Variants in TOP6BL observed in about 807,000 individuals in gnomAD.
TOP6BL encodes the protein TOP6B like initiator of meiotic double strand breaks.
the TOP6BL span, among the ~76,000 whole-genome samples, chr11:66,781,624 A>G: frequency 6.6e-6 from 1 of 151,830 alleles, no homozygotes; most frequent in African/African-American, 2.4e-5. Context: ...GCAGCCTCCA[A>G]CTCCTGGGCT....
At chr11:66,782,049 T>C in the TOP6BL span, among the ~76,000 whole-genome samples, 2 of 152,218 alleles carry the variant, frequency 1.3e-5, no homozygotes, top group African/African-American at 4.8e-5. Flanking sequence ...AGGGTAGGTC[T>C]GTAGAAAGCC....
At chr11:66,796,412 T>C in the TOP6BL span, 1 of 1,419,806 alleles carries the variant, frequency 7.0e-7, no homozygotes, top group Non-Finnish European at 9.8e-7. Context: ...TAAGTCATTG[T>C]TTTCCAGAGA....
chr11:66,804,295 T>A, the TOP6BL span: 1 of 961,578 alleles, frequency 1.0e-6, no homozygotes, highest in Non-Finnish European at 1.5e-6. Flanking sequence ...TACAAATATA[T>A]ATGATTTGTA....
the TOP6BL span, among the ~76,000 whole-genome samples, chr11:66,811,551 T>C: frequency 7.2e-5 from 11 of 152,212 alleles, no homozygotes; most frequent in Non-Finnish European, 1.6e-4. Flanking sequence ...AAAAATATAA[T>C]GTATAAGGTT....
At chr11:66,767,531 A>G in the TOP6BL span, among the ~76,000 whole-genome samples, 28 of 152,190 alleles carry the variant, frequency 1.8e-4, no homozygotes, top group Non-Finnish European at 3.7e-4. Flanking sequence ...TTTTTAAAAT[A>G]GCTTCTCATT....
the TOP6BL span, among the ~76,000 whole-genome samples, chr11:66,782,162 G>T: frequency 6.6e-6 from 1 of 152,122 alleles, no homozygotes. Flanking sequence ...TTTGGGGTGG[G>T]TCTAGAGCAC....
At chr11:66,744,840 C>CGGCGGCGGCGGCG in the TOP6BL span, 2 of 1,329,398 alleles carry the variant, frequency 1.5e-6, no homozygotes, top group East Asian at 6.1e-5. Context: ...GCGGCGGCGG[C>CGGCGGCGGCGGCG]GGCGGGCGGG....
At chr11:66,753,318 G>A in the TOP6BL span, among the ~76,000 whole-genome samples, 1 of 151,974 alleles carries the variant, frequency 6.6e-6, no homozygotes, top group Non-Finnish European at 1.5e-5. Flanking sequence ...GGGAAAGAGA[G>A]CAGAGCTTAT....
chr11:66,748,325 A>G, the TOP6BL span: 1 of 1,382,462 alleles, frequency 7.2e-7, no homozygotes, highest in East Asian at 2.5e-5. Flanking sequence ...GAGATGTATT[A>G]TTACTGTGAT....
chr11:66,745,380 G>GT, the TOP6BL span, among the ~76,000 whole-genome samples: 3 of 152,200 alleles, frequency 2.0e-5, no homozygotes, highest in East Asian at 3.9e-4. Flanking sequence ...GCGAGGGAGA[G>GT]TTTTTTTAGG....
the TOP6BL span, chr11:66,756,359 G>C: frequency 8.4e-7 from 1 of 1,184,504 alleles, no homozygotes; most frequent in South Asian, 1.5e-5. Context: ...TCAGGATGGA[G>C]TCTCACTCTG....
At chr11:66,769,885 C>T in the TOP6BL span, among the ~76,000 whole-genome samples, 5 of 151,676 alleles carry the variant, frequency 3.3e-5, no homozygotes, top group African/African-American at 7.3e-5. Flanking sequence ...GGACTACAGG[C>T]GCCCACCACC....
At chr11:66,778,440 C>T in the TOP6BL span, among the ~76,000 whole-genome samples, 12 of 151,896 alleles carry the variant, frequency 7.9e-5, no homozygotes, top group African/African-American at 2.7e-4. Flanking sequence ...CACTCTAGCC[C>T]GGGCAACAAA....
chr11:66,744,809 G>A, the TOP6BL span: 5 of 1,292,448 alleles, frequency 3.9e-6, no homozygotes, highest in South Asian at 1.0e-4. Context: ...CCAAGCCCGG[G>A]CTGAGGAGGG....
chr11:66,764,246 T>G, the TOP6BL span, among the ~76,000 whole-genome samples: 4 of 152,100 alleles, frequency 2.6e-5, no homozygotes, highest in African/African-American at 9.7e-5. Context: ...ATCTAATTAT[T>G]TATAAGTTTT....
the TOP6BL span, chr11:66,814,098 G>A: frequency 7.1e-7 from 1 of 1,407,792 alleles, no homozygotes; most frequent in Non-Finnish European, 9.7e-7. Flanking sequence ...TAGAACGTGT[G>A]TATAAAAATA....
the TOP6BL span, chr11:66,822,661 T>C: frequency 6.5e-7 from 1 of 1,545,992 alleles, no homozygotes; most frequent in East Asian, 2.4e-5. Flanking sequence ...AAGATGTGTC[T>C]CCAGACCCTT....
chr11:66,834,596 G>GA, the TOP6BL span, among the ~76,000 whole-genome samples: 68 of 152,226 alleles, frequency 4.5e-4, 1 homozygote, highest in East Asian at 0.011. Context: ...TTGAGAAACT[G>GA]AAAAAATGAG....
the TOP6BL span, among the ~76,000 whole-genome samples, chr11:66,790,665 A>C: frequency 6.6e-6 from 1 of 152,244 alleles, no homozygotes; most frequent in Non-Finnish European, 1.5e-5. Flanking sequence ...CTTGGTGTAC[A>C]TCTTTTCACA....
Sources: gnomAD v4.1 joint callset for allele counts (sites outside exome capture counted in the v4.1 genomes callset) on GRCh38, gnomAD v4.1.1 for gene constraint, MANE v1.5 for transcripts, NCBI Gene and HGNC (gene_info 2026-07-23, HGNC 2026-07-21) for gene names.